The following ST8SIA2 variants were observed in gnomAD, a reference collection of about 807,000 sequenced individuals.
The protein encoded by ST8SIA2 is alpha-2,8-sialyltransferase 8B.
Under a neutral mutation model 37.6 loss-of-function variants are expected in ST8SIA2, and 22 were observed. The observed-to-expected ratio is 0.58, with a 90% CI of 0.42 to 0.83. ST8SIA2 has a LOEUF of 0.83. Ranked by LOEUF, ST8SIA2 falls within the 40% of genes least tolerant of loss-of-function variation. The pLI is 0.00. For synonymous variants in ST8SIA2, 205 were observed against 201.2 expected, an observed-to-expected ratio of 1.02 and a Z score of -0.16; for missense variants, 382 against 484.7, an observed-to-expected ratio of 0.79 and a Z score of 1.99.
chr15:92,403,975 C>G (rs1197587307), intron 1 of ST8SIA2, among the ~76,000 whole-genome samples: 1 of 152,218 alleles, frequency 6.6e-6, no homozygotes, highest in Non-Finnish European at 1.5e-5. Flanking sequence ...CAGACGGCAT[C>G]CCAAAGAAAG....
chr15:92,395,225 G>T (rs571310053), intron 1 of ST8SIA2, among the ~76,000 whole-genome samples: 3 of 152,252 alleles, frequency 2.0e-5, no homozygotes, highest in Non-Finnish European at 4.4e-5. Context: ...AAAGAGGGCA[G>T]AAGGTCTCTT....
chr15:92,453,585 C>T (rs1420720894), intron 5 of ST8SIA2, among the ~76,000 whole-genome samples: 7 of 152,350 alleles, frequency 4.6e-5, no homozygotes, highest in African/African-American at 1.4e-4. Context: ...TGGATAGCAT[C>T]TCTGAGAGTC....
At chr15:92,460,693 T>C (rs913099866) in intron 5 of ST8SIA2, among the ~76,000 whole-genome samples, 1 of 152,202 alleles carries the variant, frequency 6.6e-6, no homozygotes, top group African/African-American at 2.4e-5. Flanking sequence ...TATTAGCTGA[T>C]GACTAAGCAA....
chr15:92,460,684 A>G (rs752421154), intron 5 of ST8SIA2, among the ~76,000 whole-genome samples: 49 of 152,312 alleles, frequency 3.2e-4, no homozygotes, highest in Non-Finnish European at 6.6e-4. Flanking sequence ...CCTCCTACAT[A>G]TTAGCTGATG....
At chr15:92,414,975 C>T (rs778633949) in intron 1 of ST8SIA2, among the ~76,000 whole-genome samples, 10 of 152,218 alleles carry the variant, frequency 6.6e-5, no homozygotes, top group Admixed American at 1.3e-4. Flanking sequence ...ACCTCTCCTC[C>T]GCCCCCTTTC....
At chr15:92,463,955 G>A in intron 5 of ST8SIA2, 145 bp from the exon 6 acceptor site, 5 of 1,182,036 alleles carry the variant, frequency 4.2e-6, no homozygotes, top group Admixed American at 2.7e-5. Flanking sequence ...CTCCTCTGTG[G>A]AGGGAACCAG....
rs2049409635 is a variant in ST8SIA2, at chr15:92,394,001, C to T, written c.-64C>T. The T allele has an allele frequency of 7.5e-7, 1 of 1,326,760 alleles. No individual in the cohort carries two copies. Among genetic ancestry groups the T allele is most frequent in the East Asian group, 3.3e-5 (1 of 30,512 alleles). 82.2% of individuals were successfully genotyped at this position (1,326,760 alleles called of 1,614,324 possible). On this transcript the variant is annotated 5_prime_UTR_variant, in exon 1 of 6. Transcript: ENST00000268164. Reference sequence around the variant, plus strand: ...CGCGCGGAGGCTCCGGCGTCCGCCGCTGCGCCCTCCGGCCCCTGCTCCTCG... The same window carrying T: ...CGCGCGGAGGCTCCGGCGTCCGCCGTTGCGCCCTCCGGCCCCTGCTCCTCG...
Position 92,467,571 on chromosome 15 carries a change from C to T in ST8SIA2, c.*3186C>T, listed in dbSNP as rs2050001596. ...GCCACATTCTTGTGTTTTTTTCCTC[C>T]TTCTTTCCCAATCCCTCTCAACCAT... On this transcript the variant is annotated 3_prime_UTR_variant, in exon 6 of 6. Transcript: ENST00000268164. The T allele has an allele frequency of 6.6e-6, 1 of 152,428 alleles. No homozygotes were observed. The highest frequency in any genetic ancestry group is 2.4e-5 in the African/African-American group (1 of 41,424). 9.4% of individuals were successfully genotyped at this position (152,428 alleles called of 1,614,324 possible).
intron 1 of ST8SIA2, among the ~76,000 whole-genome samples, chr15:92,427,453 G>C (rs12102159): frequency 0.013 from 1,987 of 152,230 alleles, 49 homozygotes; most frequent in African/African-American, 0.044. Context: ...AGCCACCTTA[G>C]ATTTCATGAA....
At chr15:92,439,368 C>T (rs2049784675) in intron 4 of ST8SIA2, among the ~76,000 whole-genome samples, 1 of 152,224 alleles carries the variant, frequency 6.6e-6, no homozygotes, top group Non-Finnish European at 1.5e-5. Flanking sequence ...TTGCCTGGGA[C>T]ATTTGCACAC....
chr15:92,394,283 A>T (rs899160076), intron 1 of ST8SIA2, 121 bp downstream of exon 1: 8 of 925,346 alleles, frequency 8.6e-6, no homozygotes, highest in Non-Finnish European at 1.2e-5. Flanking sequence ...CGCTGGAGAG[A>T]TGGGGACGGT....
chr15:92,450,419 AG>A (rs1418440338), intron 5 of ST8SIA2, among the ~76,000 whole-genome samples: 1 of 152,236 alleles, frequency 6.6e-6, no homozygotes, highest in African/African-American at 2.4e-5. Context: ...ACTGCTATAA[AG>A]AAATCCTGAG....
chr15:92,411,115 G>A (rs1399346881), intron 1 of ST8SIA2, among the ~76,000 whole-genome samples: 1 of 152,138 alleles, frequency 6.6e-6, no homozygotes, highest in African/African-American at 2.4e-5. Context: ...CATGGGGTCC[G>A]GAGACCTCTA....
At chr15:92,444,981 C>A in intron 5 of ST8SIA2, 52 bp downstream of exon 5, 1 of 1,598,650 alleles carries the variant, frequency 6.3e-7, no homozygotes, top group South Asian at 1.1e-5. Flanking sequence ...GTGGGAGATT[C>A]TTGGTAGGCA....
intron 3 of ST8SIA2, among the ~76,000 whole-genome samples, chr15:92,436,346 C>CA (rs2049758683): frequency 6.6e-6 from 1 of 152,098 alleles, no homozygotes; most frequent in African/African-American, 2.4e-5. Flanking sequence ...ATAGCTCCCC[C>CA]ACCCCTTGTG....
At chr15:92,396,758 G>A (rs1376170323) in intron 1 of ST8SIA2, among the ~76,000 whole-genome samples, 2 of 152,128 alleles carry the variant, frequency 1.3e-5, no homozygotes, top group African/African-American at 2.4e-5. Flanking sequence ...CAAAGTGCTG[G>A]GATTACAGGC....
At chr15:92,457,458 A>G (rs1372186451) in intron 5 of ST8SIA2, among the ~76,000 whole-genome samples, 3 of 152,330 alleles carry the variant, frequency 2.0e-5, no homozygotes, top group African/African-American at 7.2e-5. Context: ...TTGAAAAATA[A>G]TTACTGCCTT....
At chr15:92,457,818 C>A (rs1360924539) in intron 5 of ST8SIA2, among the ~76,000 whole-genome samples, 2 of 152,294 alleles carry the variant, frequency 1.3e-5, no homozygotes, top group East Asian at 1.9e-4. Flanking sequence ...GAGGCAGAAT[C>A]GGAAATAAGT....
In ST8SIA2 at chr15:92,393,901, T is replaced by TGCCGCC. The variant is rs1228570237; in HGVS notation, c.-159_-158insCGCCGC. The stretch of plus-strand genomic sequence containing the variant: ...CGCCTGAGCAACCCCTGCCTGTCGC[T>TGCCGCC]GCCGCTGCCGCTGCCGCTGCCGCCG... On this transcript the variant is annotated 5_prime_UTR_variant, in exon 1 of 6. Transcript: ENST00000268164. 2.4e-5 allele frequency: 6 copies of TGCCGCC among 248,436 alleles called. No individual in the cohort carries two copies. The highest frequency in any genetic ancestry group is 1.2e-4 in the East Asian group (1 of 8,428). The allele number at this position is 248,436 out of a possible 1,614,324, so 15.4% of individuals were successfully genotyped here.
Sources: gnomAD v4.1 joint callset for allele counts (sites outside exome capture counted in the v4.1 genomes callset) on GRCh38, gnomAD v4.1.1 for gene constraint, MANE v1.5 for transcripts, NCBI Gene and HGNC (gene_info 2026-07-23, HGNC 2026-07-21) for gene names.